Variants in LHFPL2 observed in about 807,000 individuals in gnomAD.
LHFPL2 encodes LHFPL tetraspan subfamily member 2.
In LHFPL2, 7 loss-of-function variants were observed where a neutral mutation model predicts 17.5. That is an observed-to-expected ratio of 0.40 (90% CI 0.23 to 0.75). The LOEUF is 0.75. LHFPL2 is among the 30% of genes least tolerant of loss of function. The pLI is 0.37. For missense variants in LHFPL2, 241 were observed against 294.8 expected, an observed-to-expected ratio of 0.82 and a Z score of 1.34; for synonymous variants, 134 against 116.2, an observed-to-expected ratio of 1.15 and a Z score of -0.99.
chr5:78,609,263 C>A (rs1322234660), intron 2 of LHFPL2, among the ~76,000 whole-genome samples: 1 of 151,782 alleles, frequency 6.6e-6, no homozygotes, highest in Non-Finnish European at 1.5e-5. Flanking sequence ...CCAGCCTGCC[C>A]AACATGGTGA....
In LHFPL2 at chr5:78,609,450, C is replaced by CAAAAAAAAAAA. The variant is rs71613975; in HGVS notation, c.-245+22803_-245+22813dup. ...TGGGAAACAGAGCGAGACTCAGTCT[C>CAAAAAAAAAAA]AAAAAAAAAAAAAAAAAAAAAAAAA... On this transcript the variant is annotated intron_variant, in intron 2 of 4. Coordinates refer to ENST00000380345, the MANE Select transcript of LHFPL2 (RefSeq NM_005779.3). Among the ~76,000 whole-genome samples the CAAAAAAAAAAA allele has an allele frequency of 9.3e-4, 38 of 40,678 alleles. 2 individuals carry two copies. Among genetic ancestry groups the CAAAAAAAAAAA allele is most frequent in the African/African-American group, 3.3e-3 (38 of 11,680 alleles). 26.7% of individuals were successfully genotyped at this position (40,678 alleles called of 152,430 possible). A position where few individuals can be genotyped will look rare whatever the true frequency, so the allele number is the denominator to read the frequency against.
intron 2 of LHFPL2, among the ~76,000 whole-genome samples, chr5:78,573,008 C>T (rs886289462): frequency 6.6e-6 from 1 of 152,120 alleles, no homozygotes; most frequent in African/African-American, 2.4e-5. Flanking sequence ...GAGCTCAGGC[C>T]GTAATGCTCG....
chr5:78,570,257 G>A (rs1388267972), intron 2 of LHFPL2, among the ~76,000 whole-genome samples: 1 of 152,300 alleles, frequency 6.6e-6, no homozygotes, highest in East Asian at 1.9e-4. Context: ...AGTTAGAAAA[G>A]TCAGGCTATG....
intron 3 of LHFPL2, among the ~76,000 whole-genome samples, chr5:78,547,744 C>G (rs1756323960): frequency 6.6e-6 from 1 of 152,144 alleles, no homozygotes; most frequent in South Asian, 2.1e-4. Context: ...TCAGAAAGCA[C>G]CAGGACTAGG....
At chr5:78,497,337 A>T (rs564165497) in intron 4 of LHFPL2, among the ~76,000 whole-genome samples, 6 of 152,162 alleles carry the variant, frequency 3.9e-5, no homozygotes, top group African/African-American at 1.4e-4. Context: ...ACTATCTTCA[A>T]CATTCCCTCT....
Position 78,486,598 on chromosome 5 carries a change from T to TG in LHFPL2, c.*2298_*2299insC, listed in dbSNP as rs1754250715. The stretch of plus-strand genomic sequence containing the variant: ...TTTTACTATTTACTAAGTCAGTGTT[T>TG]AGGTAGTTTTTAGTGGTTTGGGGTT... On this transcript the variant is annotated 3_prime_UTR_variant, in exon 5 of 5. Coordinates refer to ENST00000380345, the MANE Select transcript of LHFPL2 (RefSeq NM_005779.3). 6.6e-6 allele frequency: 1 copy of TG among 152,272 alleles called. No homozygotes were observed. 9.4% of individuals were successfully genotyped at this position (152,272 alleles called of 1,614,324 possible). A position where few individuals can be genotyped will look rare whatever the true frequency, so the allele number is the denominator to read the frequency against.
chr5:78,509,602 A>T (rs891152), intron 4 of LHFPL2, among the ~76,000 whole-genome samples, 182 bp downstream of exon 4: 37,612 of 151,952 alleles, frequency 0.25, 4,982 homozygotes, highest in East Asian at 0.46. Flanking sequence ...AAGACAGGGG[A>T]AAGAGACCCA....
At chr5:78,614,866 A>C (rs573076162) in intron 2 of LHFPL2, among the ~76,000 whole-genome samples, 23 of 152,354 alleles carry the variant, frequency 1.5e-4, no homozygotes, top group African/African-American at 5.3e-4. Flanking sequence ...TTTACAGATG[A>C]GGAACTGAAG....
intron 2 of LHFPL2, among the ~76,000 whole-genome samples, chr5:78,627,696 A>G (rs1391616467): frequency 1.3e-5 from 2 of 152,202 alleles, no homozygotes; most frequent in Non-Finnish European, 2.9e-5. Flanking sequence ...CAGGGCATTT[A>G]TGAAGCCCTC....
intron 2 of LHFPL2, among the ~76,000 whole-genome samples, chr5:78,631,761 C>A (rs1414165283): frequency 6.6e-6 from 1 of 152,034 alleles, no homozygotes; most frequent in South Asian, 2.1e-4. Context: ...TATGGCGAAA[C>A]CTTGTCTCTA....
At chr5:78,586,164 C>T (rs1743388064) in intron 2 of LHFPL2, among the ~76,000 whole-genome samples, 1 of 152,208 alleles carries the variant, frequency 6.6e-6, no homozygotes, top group Admixed American at 6.5e-5. Flanking sequence ...TGGGTGGTAA[C>T]TGTCCACTTT....
At chr5:78,510,630 T>C (rs553191549) in intron 3 of LHFPL2, among the ~76,000 whole-genome samples, 3 of 151,914 alleles carry the variant, frequency 2.0e-5, no homozygotes, top group Non-Finnish European at 4.4e-5. Flanking sequence ...GGGAGCACCA[T>C]GGAAGGAGGC....
At chr5:78,613,380 T>A (rs1006223467) in intron 2 of LHFPL2, among the ~76,000 whole-genome samples, 1 of 152,192 alleles carries the variant, frequency 6.6e-6, no homozygotes, top group Non-Finnish European at 1.5e-5. Flanking sequence ...TTTCACAGCA[T>A]TGTATGGTGA....
chr5:78,511,839 G>A (rs1755137625), intron 3 of LHFPL2, among the ~76,000 whole-genome samples: 1 of 152,134 alleles, frequency 6.6e-6, no homozygotes, highest in Non-Finnish European at 1.5e-5. Flanking sequence ...TGCACTACTA[G>A]GAACATATGC....
chr5:78,506,817 C>G (rs1754944132), intron 4 of LHFPL2, among the ~76,000 whole-genome samples: 1 of 152,176 alleles, frequency 6.6e-6, no homozygotes, highest in Non-Finnish European at 1.5e-5. Flanking sequence ...GGCTCCTAGA[C>G]AGCAGTCAAA....
chr5:78,605,878 C>G (rs1381445108), intron 2 of LHFPL2, among the ~76,000 whole-genome samples: 4 of 152,148 alleles, frequency 2.6e-5, no homozygotes, highest in Admixed American at 2.0e-4. Context: ...GAGGTTCTTC[C>G]AAAGCTTTCA....
At chr5:78,511,059 G>A (rs375698834) in intron 3 of LHFPL2, among the ~76,000 whole-genome samples, 5 of 151,874 alleles carry the variant, frequency 3.3e-5, no homozygotes, top group Non-Finnish European at 7.4e-5. Context: ...TTTTTCACAG[G>A]GTGATTTTTA....
intron 3 of LHFPL2, among the ~76,000 whole-genome samples, chr5:78,562,671 T>G (rs1194114081): frequency 6.6e-6 from 1 of 151,670 alleles, no homozygotes; most frequent in Non-Finnish European, 1.5e-5. Flanking sequence ...AGGATCAGAT[T>G]GCTCTACAAT....
intron 3 of LHFPL2, among the ~76,000 whole-genome samples, chr5:78,533,661 C>T (rs911726330): frequency 1.3e-5 from 2 of 151,020 alleles, no homozygotes; most frequent in African/African-American, 4.9e-5. Flanking sequence ...ACATTTCTGC[C>T]TGCTTGTAGG....
Sources: allele counts gnomAD v4.1 joint callset (sites outside exome capture counted in the v4.1 genomes callset), GRCh38; gene constraint gnomAD v4.1.1; transcripts MANE v1.5; gene names NCBI Gene and HGNC (gene_info 2026-07-23, HGNC 2026-07-21).